CPXM2: variants seen among roughly 807,000 people sequenced by gnomAD.
CPXM2 encodes inactive carboxypeptidase-like protein X2.
CPXM2 carries 66 observed loss-of-function variants against 86.1 expected under a neutral mutation model. The observed-to-expected ratio is 0.77, with a 90% CI of 0.63 to 0.94. The LOEUF is 0.94. CPXM2 is among the 40% of genes least tolerant of loss of function. The probability of loss-of-function intolerance (pLI) is 0.00; values close to 1 mark genes in which losing one functional copy is unlikely to be tolerated. For missense variants in CPXM2, 948 were observed against 1,026.3 expected (o/e 0.92, Z 1.04); for synonymous variants, 388 against 400.2 (o/e 0.97, Z 0.36).
chr10:123,810,287 C>T (rs1403630437), intron 4 of CPXM2, among the ~76,000 whole-genome samples: 1 of 151,844 alleles, frequency 6.6e-6, no homozygotes. Flanking sequence ...TAAAAACTGA[C>T]AAATCCATCA....
At chr10:123,773,229 T>C (rs1479353421) in intron 7 of CPXM2, among the ~76,000 whole-genome samples, 2 of 130,994 alleles carry the variant, frequency 1.5e-5, no homozygotes, top group African/African-American at 5.6e-5. Flanking sequence ...TCATTGTGGT[T>C]ATCACTTCCC....
intron 2 of CPXM2, among the ~76,000 whole-genome samples, chr10:123,911,223 ACTCT>A (rs904849704): frequency 7.6e-4 from 115 of 151,568 alleles, no homozygotes; most frequent in African/African-American, 2.7e-3. Context: ...TAGTTTTGTG[ACTCT>A]CTCATTTGGG....
intron 7 of CPXM2, among the ~76,000 whole-genome samples, chr10:123,772,440 C>A (rs1324775100): frequency 6.6e-6 from 1 of 151,936 alleles, no homozygotes; most frequent in Non-Finnish European, 1.5e-5. Context: ...GTTATCACCT[C>A]CCTGGGTGTA....
At chr10:123,753,596 A>G (rs1399696294) in intron 13 of CPXM2, among the ~76,000 whole-genome samples, 1 of 152,194 alleles carries the variant, frequency 6.6e-6, no homozygotes. Context: ...GAGAGAAAGC[A>G]TGTATGAGCG....
chr10:123,891,820 G>C (rs1945280346), upstream of CPXM2: 3 of 222,050 alleles, frequency 1.4e-5, no homozygotes, highest in Non-Finnish European at 2.3e-5. This position sits in a 1 kb window ranked among gnomAD's most constrained non-coding sequence, Gnocchi z 5.6. Context: ...CCGGCCCGCG[G>C]GGCTGGGCTG....
chr10:123,818,561 C>T (rs1847860744), intron 4 of CPXM2, among the ~76,000 whole-genome samples: 1 of 152,200 alleles, frequency 6.6e-6, no homozygotes, highest in South Asian at 2.1e-4. Flanking sequence ...GCCAAGACTA[C>T]CATCTGTGGA....
intron 1 of CPXM2, among the ~76,000 whole-genome samples, chr10:123,883,505 G>A (rs574822000): frequency 2.6e-5 from 4 of 152,382 alleles, no homozygotes; most frequent in African/African-American, 9.6e-5. Flanking sequence ...AATGCTGCCT[G>A]ATGGGCTTAG....
intron 3 of CPXM2, among the ~76,000 whole-genome samples, chr10:123,849,869 A>C (rs930277805): frequency 6.6e-6 from 1 of 152,236 alleles, no homozygotes; most frequent in Admixed American, 6.5e-5. Context: ...ATGTACCCAC[A>C]TAACCACATC....
chr10:123,801,465 A>C (rs1590016741), intron 4 of CPXM2, among the ~76,000 whole-genome samples: 2 of 152,220 alleles, frequency 1.3e-5, no homozygotes, highest in African/African-American at 4.8e-5. Flanking sequence ...TATTGAATCC[A>C]TCACCAAGTT....
chr10:123,771,195 C>G lies in CPXM2; in HGVS notation c.979-156G>C, dbSNP rs7921333. On this transcript the variant is annotated intron_variant, in intron 7 of 13. Coordinates refer to ENST00000241305, the MANE Select transcript of CPXM2 (RefSeq NM_198148.3). ...CAGCTGCTATCGCCTCTGCCCAGAA[C>G]ACTCTCCTTACATCCCTCTGCCCTG... 3.1e-3 allele frequency among the ~76,000 whole-genome samples: 470 copies of G among 152,304 alleles called. 2 individuals carry two copies. Among genetic ancestry groups the G allele is most frequent in the African/African-American group, 0.011 (457 of 41,546 alleles).
At chr10:123,876,341 C>G (rs1944987316) in intron 2 of CPXM2, among the ~76,000 whole-genome samples, 1 of 152,204 alleles carries the variant, frequency 6.6e-6, no homozygotes, top group Non-Finnish European at 1.5e-5. Context: ...AGAGATGAAT[C>G]AGACAAGGCC....
At chr10:123,810,139 G>C (rs1847660830) in intron 4 of CPXM2, among the ~76,000 whole-genome samples, 1 of 151,850 alleles carries the variant, frequency 6.6e-6, no homozygotes, top group Non-Finnish European at 1.5e-5. Flanking sequence ...AGCATTATTA[G>C]AGATAAAGAC....
In CPXM2 at chr10:123,746,608, A is replaced by C. The variant is rs565571311; in HGVS notation, c.*156T>G. The C allele has an allele frequency of 1.4e-6, 1 of 697,878 alleles. No individual in the cohort carries two copies. Among genetic ancestry groups the C allele is most frequent in the African/African-American group, 1.8e-5 (1 of 56,334 alleles). 43.2% of individuals were successfully genotyped at this position (697,878 alleles called of 1,614,324 possible). ...AGAAAAGAAAACAGCCTCAGCCTCCAGCCTTCCCTTTTGGGACCTGCCTCA... is the reference window on the plus strand; with the variant it reads ...AGAAAAGAAAACAGCCTCAGCCTCCCGCCTTCCCTTTTGGGACCTGCCTCA... On this transcript the variant is annotated 3_prime_UTR_variant, in exon 14 of 14. Coordinates refer to ENST00000241305, the MANE Select transcript of CPXM2 (RefSeq NM_198148.3).
intron 7 of CPXM2, among the ~76,000 whole-genome samples, chr10:123,775,948 C>T (rs1284449816): frequency 6.6e-6 from 1 of 152,194 alleles, no homozygotes; most frequent in East Asian, 1.9e-4. Context: ...TAAAGGAATA[C>T]ATTTCTTCTT....
intron 3 of CPXM2, among the ~76,000 whole-genome samples, chr10:123,851,639 C>T (rs546468617): frequency 1.0e-3 from 155 of 152,030 alleles, no homozygotes; most frequent in African/African-American, 3.5e-3. Context: ...CATGGTGGCA[C>T]GCACCTGTAA....
Position 123,768,554 on chromosome 10 carries a change from G to A in CPXM2, c.1271C>T (p.Pro424Leu). 1 of 1,613,866 alleles carries A rather than the reference G, an allele frequency of 6.2e-7. No homozygotes were observed. The highest frequency in any genetic ancestry group is 8.5e-7 in the Non-Finnish European group (1 of 1,179,862). The change falls in exon 9 of 14, where the codon CCC becomes CTC. Residue 424 changes from proline (P) to leucine (L), a missense_variant. Physicochemically the swap from Pro to Leu is moderately conservative, Grantham distance 98. Coordinates refer to ENST00000241305, the MANE Select transcript of CPXM2 (RefSeq NM_198148.3). Reference sequence around the variant, plus strand: ...TTCGTAGGCCTTCTCGTAGCCATCGGGGTTGAGGGAGGGGAGGACGTGAAT... The same window carrying A: ...TTCGTAGGCCTTCTCGTAGCCATCGAGGTTGAGGGAGGGGAGGACGTGAAT... ...TRIHVLPSLNPDGYEKAYEGG... is the reference protein window; with the variant it reads ...TRIHVLPSLNLDGYEKAYEGG...
intron 7 of CPXM2, among the ~76,000 whole-genome samples, chr10:123,773,400 C>T (rs1359812630): frequency 6.6e-6 from 1 of 152,200 alleles, no homozygotes; most frequent in Admixed American, 6.5e-5. Flanking sequence ...TTGTGGATCT[C>T]ACTTCCCTCG....
intron 6 of CPXM2, among the ~76,000 whole-genome samples, chr10:123,788,337 C>G (rs1056228578): frequency 5.3e-5 from 8 of 151,864 alleles, no homozygotes; most frequent in Non-Finnish European, 8.8e-5. Context: ...TTTACCTCCC[C>G]CTTCACCAGC....
At chr10:123,768,372 T>A (rs1353319855) in intron 9 of CPXM2, 154 bp downstream of exon 9, 2 of 372,350 alleles carry the variant, frequency 5.4e-6, no homozygotes, top group Non-Finnish European at 8.4e-6. Context: ...AGACTCCGAC[T>A]CAAAAAATAA....
Sources: gnomAD v4.1 joint callset for allele counts (sites outside exome capture counted in the v4.1 genomes callset) on GRCh38, gnomAD v4.1.1 for gene constraint, Gnocchi (gnomAD v3.1) non-coding constraint, MANE v1.5 for transcripts, NCBI Gene and HGNC (gene_info 2026-07-23, HGNC 2026-07-21) for gene names.